The following ACP3 variants were observed in gnomAD, a reference collection of about 807,000 sequenced individuals.
The protein encoded by ACP3 is acid phosphatase 3, also known as prostatic acid phosphatase.
In ACP3, 38 loss-of-function variants were observed where a neutral mutation model predicts 45.6. The ratio of observed to expected loss-of-function variants is 0.83; its 90% confidence interval spans 0.64 to 1.09. The LOEUF (loss-of-function observed/expected upper bound fraction) is 1.09. ACP3 is among the 50% of genes least tolerant of loss of function. ACP3 has a pLI of 0.00. For missense variants in ACP3, 466 were observed against 463.2 expected, an observed-to-expected ratio of 1.01 and a Z score of -0.05; for synonymous variants, 162 against 164.7, an observed-to-expected ratio of 0.98 and a Z score of 0.13.
Position 132,357,445 on chromosome 3 carries a change from T to G in ACP3, c.*567T>G. The G allele has an allele frequency of 1.0e-6, 1 of 985,360 alleles. No homozygotes were observed. The highest frequency in any genetic ancestry group is 1.2e-6 in the Non-Finnish European group (1 of 829,842). The allele number at this position is 985,360 out of a possible 1,614,324, so 61.0% of individuals were successfully genotyped here. A position where few individuals can be genotyped will look rare whatever the true frequency, so the allele number is the denominator to read the frequency against. On this transcript the variant is annotated 3_prime_UTR_variant, in exon 10 of 10. Coordinates refer to ENST00000336375, the MANE Select transcript of ACP3 (RefSeq NM_001099.5). ...TGGAAAGTTTTCTCCACTGGAAAAC[T>G]GCTACTATCTGTTTTTATATTTCTG... is the stretch of plus-strand genomic sequence containing the variant.
At chr3:132,365,459 T>C (rs538196940) in intron 10 of ACP3, among the ~76,000 whole-genome samples, 1 of 152,326 alleles carries the variant, frequency 6.6e-6, no homozygotes, top group South Asian at 2.1e-4. Context: ...CTTGGCATGT[T>C]TGAAGAACAG....
chr3:132,347,686 G>A (rs1303703246), intron 7 of ACP3, among the ~76,000 whole-genome samples: 3 of 151,784 alleles, frequency 2.0e-5, no homozygotes, highest in Admixed American at 6.6e-5. Flanking sequence ...GTCTCCTTAT[G>A]TTGCCCAGGC....
rs1229315454 is a variant in ACP3, at chr3:132,357,967, G to A, written c.*1089G>A. On this transcript the variant is annotated 3_prime_UTR_variant, in exon 10 of 10. Transcript: ENST00000336375. ...GAGGATCACTTGAGCCCCGGAGGTC[G>A]AGGCTACAGTGAGCCAAGAGTGCAC... The A allele has an allele frequency of 2.4e-5, 4 of 167,552 alleles. No homozygotes were observed. Among genetic ancestry groups the A allele is most frequent in the African/African-American group, 7.2e-5 (3 of 41,504 alleles). The allele number at this position is 167,552 out of a possible 1,614,324, so 10.4% of individuals were successfully genotyped here.
intron 9 of ACP3, among the ~76,000 whole-genome samples, chr3:132,355,484 A>ATCTTATTTTATTTTATTTTG (rs1937861311): frequency 6.7e-6 from 1 of 150,176 alleles, no homozygotes; most frequent in Non-Finnish European, 1.5e-5. Flanking sequence ...ATTTTATTTT[A>ATCTTATTTTATTTTATTTTG]TCTTATTTTA....
intron 7 of ACP3, among the ~76,000 whole-genome samples, chr3:132,349,321 G>A (rs992986399): frequency 2.6e-5 from 4 of 152,200 alleles, no homozygotes; most frequent in Non-Finnish European, 4.4e-5. Context: ...TAAAGATGCT[G>A]GCTGTCCCCC....
At chr3:132,332,004 C>A (rs1396820542) in intron 3 of ACP3, among the ~76,000 whole-genome samples, 188 bp from the exon 4 acceptor site, 1 of 152,152 alleles carries the variant, frequency 6.6e-6, no homozygotes, top group Non-Finnish European at 1.5e-5. Context: ...ATTGGCCAAC[C>A]AGGTTGCTTT....
intron 1 of ACP3, among the ~76,000 whole-genome samples, chr3:132,325,751 G>C (rs987565161): frequency 1.3e-5 from 2 of 152,152 alleles, no homozygotes; most frequent in Non-Finnish European, 2.9e-5. Flanking sequence ...CTCACAGGTG[G>C]TTAAGTATGC....
chr3:132,325,595 A>AAC lies in ACP3; in HGVS notation c.121-2649_121-2648dup, dbSNP rs138017217. Reference sequence around the variant, plus strand: ...AAGGTTTTGGTTTCTTCTGATACAAAACACACACACACACACACACACACC... The same window carrying AAC: ...AAGGTTTTGGTTTCTTCTGATACAAAACACACACACACACACACACACACACC... On this transcript the variant is annotated intron_variant, in intron 1 of 9. Coordinates refer to ENST00000336375, the MANE Select transcript of ACP3 (RefSeq NM_001099.5). Among the ~76,000 whole-genome samples the AAC allele has an allele frequency of 7.1e-3, 1,019 of 143,736 alleles. 12 individuals are homozygous for AAC. The highest frequency in any genetic ancestry group is 0.024 in the East Asian group (120 of 5,066). The allele number at this position is 143,736 out of a possible 152,430, so 94.3% of individuals were successfully genotyped here.
chr3:132,368,007 A>G, exon 11 of ACP3: 1 of 559,924 alleles, frequency 1.8e-6, no homozygotes, highest in Non-Finnish European at 3.2e-6. Flanking sequence ...CACTCAGGCT[A>G]CCTAGGTCTT....
At chr3:132,340,848 G>C (rs1937546274) in intron 5 of ACP3, among the ~76,000 whole-genome samples, 1 of 152,114 alleles carries the variant, frequency 6.6e-6, no homozygotes, top group South Asian at 2.1e-4. Context: ...AGTTTCCATG[G>C]CTATGTTTTA....
chr3:132,321,145 ACAGG>A (rs1405734279), intron 1 of ACP3, among the ~76,000 whole-genome samples: 1 of 152,026 alleles, frequency 6.6e-6, no homozygotes, highest in Non-Finnish European at 1.5e-5. Context: ...AGCCTGGACA[ACAGG>A]GAAAAACCCT....
intron 7 of ACP3, among the ~76,000 whole-genome samples, chr3:132,349,691 G>T (rs767588600): frequency 2.6e-5 from 4 of 151,642 alleles, no homozygotes; most frequent in Non-Finnish European, 4.4e-5. Context: ...TTGGACTTAA[G>T]ATTCCTTACC....
At chr3:132,330,767 G>A (rs1204571265) in intron 2 of ACP3, among the ~76,000 whole-genome samples, 3 of 152,268 alleles carry the variant, frequency 2.0e-5, no homozygotes, top group African/African-American at 7.2e-5. Flanking sequence ...GCTCTAGTAA[G>A]GCTCTGGATT....
At chr3:132,320,631 C>G (rs1937189272) in intron 1 of ACP3, among the ~76,000 whole-genome samples, 1 of 147,978 alleles carries the variant, frequency 6.8e-6, no homozygotes, top group Admixed American at 6.9e-5. Flanking sequence ...AATTCTTAAT[C>G]AAGTAATATA....
At chr3:132,344,676 A>G (rs995606733) in intron 6 of ACP3, among the ~76,000 whole-genome samples, 1 of 152,182 alleles carries the variant, frequency 6.6e-6, no homozygotes, top group African/African-American at 2.4e-5. Context: ...TCTGCAAAAT[A>G]TGAGCCACCC....
At chr3:132,329,352 T>C (rs968732422) in intron 2 of ACP3, among the ~76,000 whole-genome samples, 2 of 152,180 alleles carry the variant, frequency 1.3e-5, no homozygotes, top group African/African-American at 4.8e-5. Context: ...GTCTAGTATG[T>C]GTCCTGGGCA....
In ACP3 at chr3:132,356,922, G is replaced by A; in HGVS notation, c.*44G>A. Reference sequence around the variant, plus strand: ...TAGAAGGAGTAGCTGCCCTTTCTCAGGGCAGATGATGCTTTGAGAACATAC... The same window carrying A: ...TAGAAGGAGTAGCTGCCCTTTCTCAAGGCAGATGATGCTTTGAGAACATAC... On this transcript the variant is annotated 3_prime_UTR_variant, in exon 10 of 10. Transcript: ENST00000336375. 1 of 1,568,114 alleles carries A rather than the reference G, an allele frequency of 6.4e-7. No individual in the cohort carries two copies. The highest frequency in any genetic ancestry group is 8.7e-7 in the Non-Finnish European group (1 of 1,154,424).
intron 1 of ACP3, among the ~76,000 whole-genome samples, chr3:132,321,767 C>G (rs527709552): frequency 2.8e-4 from 42 of 152,136 alleles, no homozygotes; most frequent in Non-Finnish European, 4.1e-4. Flanking sequence ...AAGGAGAGTG[C>G]TGTTTCCCAT....
chr3:132,323,437 A>C (rs1479546869), intron 1 of ACP3, among the ~76,000 whole-genome samples: 2 of 152,140 alleles, frequency 1.3e-5, no homozygotes, highest in African/African-American at 4.8e-5. Context: ...ATTTTTTTTA[A>C]TTTTAGTAAA....
Sources: allele counts gnomAD v4.1 joint callset (sites outside exome capture counted in the v4.1 genomes callset), GRCh38; gene constraint gnomAD v4.1.1; transcripts MANE v1.5; gene names NCBI Gene and HGNC (gene_info 2026-07-23, HGNC 2026-07-21).